Variants in KCNJ6 observed in about 807,000 individuals in gnomAD.
KCNJ6 encodes G protein-activated inward rectifier potassium channel 2.
In KCNJ6, 9 loss-of-function variants were observed where a neutral mutation model predicts 34.2. The ratio of observed to expected loss-of-function variants is 0.26; its 90% confidence interval spans 0.16 to 0.46. The LOEUF is 0.46. KCNJ6 is among the 20% of genes least tolerant of loss of function. KCNJ6 has a pLI of 1.00. For missense variants in KCNJ6, 236 were observed against 531.3 expected, an observed-to-expected ratio of 0.44 and a Z score of 5.46; for synonymous variants, 196 against 207.1, an observed-to-expected ratio of 0.95 and a Z score of 0.46.
chr21:37,859,471 A>C (rs56349884), intron 1 of KCNJ6, among the ~76,000 whole-genome samples: 1 of 15,892 alleles, frequency 6.3e-5, no homozygotes, highest in African/African-American at 4.8e-4. Context: ...AATTTTAACT[A>C]TGGGCTTATA....
chr21:37,904,359 C>T (rs1382184881), intron 1 of KCNJ6, among the ~76,000 whole-genome samples: 1 of 152,150 alleles, frequency 6.6e-6, no homozygotes, highest in Non-Finnish European at 1.5e-5. Flanking sequence ...CACTTATGCA[C>T]ACGACAGGAA....
At chr21:37,912,081 A>G (rs2055869491) in intron 1 of KCNJ6, among the ~76,000 whole-genome samples, 1 of 152,222 alleles carries the variant, frequency 6.6e-6, no homozygotes, top group Non-Finnish European at 1.5e-5. Context: ...AAAGGAAAAC[A>G]TACTAATGTT....
intron 2 of KCNJ6, among the ~76,000 whole-genome samples, chr21:37,719,819 C>T (rs1472279210): frequency 6.6e-6 from 1 of 152,176 alleles, no homozygotes; most frequent in Non-Finnish European, 1.5e-5. Flanking sequence ...GTCCTCGAAT[C>T]AGTGGGATTG....
At chr21:37,866,887 T>C (rs1355181864) in intron 1 of KCNJ6, among the ~76,000 whole-genome samples, 1 of 152,244 alleles carries the variant, frequency 6.6e-6, no homozygotes, top group Non-Finnish European at 1.5e-5. Context: ...ACTTAGAACA[T>C]ATCCTTCTAG....
At position 37,739,634 on chromosome 21, in the gene KCNJ6, T is replaced by G. The variant is rs78287683; in HGVS notation, c.26-24503A>C. The stretch of plus-strand genomic sequence containing the variant: ...CTTTAGCCCGCTGGTTCAATTGTTT[T>G]TCATTTTTTTGAGTGCTATGCAAGC... On this transcript the variant is annotated intron_variant, in intron 2 of 3. Coordinates refer to ENST00000609713, the MANE Select transcript of KCNJ6 (RefSeq NM_002240.5). 5.3e-4 allele frequency among the ~76,000 whole-genome samples: 80 copies of G among 152,322 alleles called. No homozygotes were observed. In the East Asian group the frequency reaches 0.014, roughly 27 times the overall value.
intron 3 of KCNJ6, among the ~76,000 whole-genome samples, chr21:37,651,408 T>G (rs1239499282): frequency 2.0e-5 from 3 of 152,114 alleles, no homozygotes; most frequent in Non-Finnish European, 4.4e-5. Flanking sequence ...CCTCTCTGTG[T>G]TTTGAAAAGA....
chr21:37,800,661 G>A (rs921243794), intron 2 of KCNJ6, among the ~76,000 whole-genome samples: 3 of 152,138 alleles, frequency 2.0e-5, no homozygotes, highest in Non-Finnish European at 4.4e-5. Context: ...CTGAAGGGCC[G>A]CTGATAACCC....
At chr21:37,662,046 G>T (rs965337418) in intron 3 of KCNJ6, among the ~76,000 whole-genome samples, 4 of 152,080 alleles carry the variant, frequency 2.6e-5, no homozygotes, top group African/African-American at 7.2e-5. Flanking sequence ...CTATCTAGAA[G>T]AAAACAATTT....
chr21:37,649,594 T>C (rs2054423131), intron 3 of KCNJ6, among the ~76,000 whole-genome samples: 1 of 152,194 alleles, frequency 6.6e-6, no homozygotes, highest in Non-Finnish European at 1.5e-5. Context: ...AGACCCCGCA[T>C]CACCTTTGCT....
Position 37,695,707 on chromosome 21 carries a change from C to T in KCNJ6, c.946+18504G>A, listed in dbSNP as rs1299543252. ...CCAGTTAAGCTGGGCTAGAACCGAC[C>T]TCTTTTGTAAATGGAGGGACCTGGT... On this transcript the variant is annotated intron_variant, in intron 3 of 3. Transcript: ENST00000609713. This position sits in a 1 kb window ranked among gnomAD's most constrained non-coding sequence, Gnocchi z 4.2. Among the ~76,000 whole-genome samples, 1 of 152,158 alleles carries T rather than the reference C, an allele frequency of 6.6e-6. No homozygotes were observed. The highest frequency in any genetic ancestry group is 6.5e-5 in the Admixed American group (1 of 15,282).
chr21:37,772,834 G>A (rs2055123706), intron 2 of KCNJ6, among the ~76,000 whole-genome samples: 1 of 152,170 alleles, frequency 6.6e-6, no homozygotes, highest in Admixed American at 6.6e-5. Context: ...GTAGTATGAA[G>A]AGACTTGCCA....
intron 2 of KCNJ6, among the ~76,000 whole-genome samples, chr21:37,823,780 A>G (rs1328977498): frequency 6.6e-6 from 1 of 152,198 alleles, no homozygotes; most frequent in African/African-American, 2.4e-5. Flanking sequence ...ATGGACTAAT[A>G]CACCATAGAA....
chr21:37,647,041 C>A (rs2054408430), intron 3 of KCNJ6, among the ~76,000 whole-genome samples: 1 of 152,096 alleles, frequency 6.6e-6, no homozygotes, highest in Non-Finnish European at 1.5e-5. Context: ...GTGTAGGGAT[C>A]AGAGCGACGG....
intron 2 of KCNJ6, among the ~76,000 whole-genome samples, chr21:37,715,357 C>G (rs551805975): frequency 3.3e-5 from 5 of 152,216 alleles, no homozygotes; most frequent in Non-Finnish European, 7.3e-5. Context: ...CCATCCTGCC[C>G]ACCAGGACGG....
intron 2 of KCNJ6, among the ~76,000 whole-genome samples, chr21:37,755,342 CAAA>C (rs987431879): frequency 3.9e-5 from 6 of 152,120 alleles, no homozygotes; most frequent in African/African-American, 1.4e-4. Flanking sequence ...CAAAAGCTTT[CAAA>C]GAAGGCAAGA....
intron 2 of KCNJ6, among the ~76,000 whole-genome samples, chr21:37,717,468 G>A (rs920253036): frequency 3.3e-5 from 5 of 151,934 alleles, no homozygotes; most frequent in African/African-American, 1.2e-4. Context: ...CCTTCTCACT[G>A]GAGGTGGGTT....
chr21:37,747,541 G>T (rs1351466612), intron 2 of KCNJ6, among the ~76,000 whole-genome samples: 1 of 152,222 alleles, frequency 6.6e-6, no homozygotes, highest in African/African-American at 2.4e-5. Flanking sequence ...AGTTAAGGTT[G>T]CTAATCAGCT....
chr21:37,882,266 G>A (rs548876998), intron 1 of KCNJ6, among the ~76,000 whole-genome samples: 10 of 152,304 alleles, frequency 6.6e-5, no homozygotes, highest in East Asian at 3.9e-4. Flanking sequence ...ACAGATGAGC[G>A]TGCTGGGTAT....
At chr21:37,720,419 T>C (rs1051427232) in intron 2 of KCNJ6, among the ~76,000 whole-genome samples, 1 of 152,122 alleles carries the variant, frequency 6.6e-6, no homozygotes, top group African/African-American at 2.4e-5. Context: ...AATGAGAATG[T>C]ATGCAAGTTT....
Sources: gnomAD v4.1 joint callset for allele counts (sites outside exome capture counted in the v4.1 genomes callset) on GRCh38, gnomAD v4.1.1 for gene constraint, Gnocchi (gnomAD v3.1) non-coding constraint, MANE v1.5 for transcripts, NCBI Gene and HGNC (gene_info 2026-07-23, HGNC 2026-07-21) for gene names.